Variants in GRID2 observed in about 807,000 individuals in gnomAD.
GRID2 encodes glutamate receptor ionotropic, delta-2.
A neutral mutation model predicts 114.8 loss-of-function variants in GRID2; 33 were observed. The ratio of observed to expected loss-of-function variants is 0.29; its 90% CI spans 0.22 to 0.38. The LOEUF (loss-of-function observed/expected upper bound fraction) is 0.38. Ranked by LOEUF, GRID2 falls within the 10% of genes least tolerant of loss-of-function variation. The pLI is 1.00. For synonymous variants in GRID2, 505 were observed against 449.9 expected (o/e 1.12, Z -1.55); for missense variants, 1,184 against 1,257.7 (o/e 0.94, Z 0.89).
At chr4:93,720,376 C>G (rs549353558) in intron 14 of GRID2, among the ~76,000 whole-genome samples, 4 of 152,252 alleles carry the variant, frequency 2.6e-5, no homozygotes, top group African/African-American at 7.2e-5. Context: ...AAATTTGAGG[C>G]CAAACATGCT....
intron 13 of GRID2, among the ~76,000 whole-genome samples, chr4:93,532,340 C>T (rs1731532099): frequency 1.3e-5 from 2 of 152,066 alleles, no homozygotes; most frequent in African/African-American, 4.8e-5. Flanking sequence ...TAGCTACTCA[C>T]AAATTATTGC....
At chr4:93,015,825 C>G (rs1722638471) in intron 2 of GRID2, among the ~76,000 whole-genome samples, 1 of 151,974 alleles carries the variant, frequency 6.6e-6, no homozygotes, top group Admixed American at 6.6e-5. Flanking sequence ...CAAAAAGTAG[C>G]TACTAGATCA....
chr4:93,236,153 A>C (rs1013953943), intron 7 of GRID2, among the ~76,000 whole-genome samples: 3 of 152,206 alleles, frequency 2.0e-5, no homozygotes, highest in African/African-American at 7.2e-5. Context: ...AGTATTTGTC[A>C]TTTGGAGATA....
In GRID2 at chr4:93,279,927, T is replaced by G. The variant is rs115829860; in HGVS notation, c.1245+41437T>G. 4.7e-3 allele frequency among the ~76,000 whole-genome samples: 716 copies of G among 151,906 alleles called. 10 individuals are homozygous for G. The highest frequency in any genetic ancestry group is 0.016 in the African/African-American group (675 of 41,448). On this transcript the variant is annotated intron_variant, in intron 8 of 15. Coordinates refer to ENST00000282020, the MANE Select transcript of GRID2 (RefSeq NM_001510.4). Reference sequence around the variant, plus strand: ...GGGCATTGTATGCGAAACTGCGGAGTTTGGATTTTACCCCATGTGACAGGT... The same window carrying G: ...GGGCATTGTATGCGAAACTGCGGAGGTTGGATTTTACCCCATGTGACAGGT...
At chr4:92,541,318 GAAA>G (rs1018281099) in intron 1 of GRID2, among the ~76,000 whole-genome samples, 2 of 143,544 alleles carry the variant, frequency 1.4e-5, no homozygotes, top group African/African-American at 5.1e-5. Context: ...TAAGAGTCAG[GAAA>G]AAAAAAAGAA....
chr4:92,858,166 A>C (rs1436756019), intron 2 of GRID2, among the ~76,000 whole-genome samples: 1 of 152,242 alleles, frequency 6.6e-6, no homozygotes, highest in Non-Finnish European at 1.5e-5. Context: ...TGTTGTCTTC[A>C]TACCTACTAA....
At chr4:93,349,307 C>T (rs976632734) in intron 8 of GRID2, among the ~76,000 whole-genome samples, 4 of 152,002 alleles carry the variant, frequency 2.6e-5, no homozygotes, top group South Asian at 2.1e-4. Context: ...ATAAAATGAG[C>T]TCTCTAAACC....
At chr4:93,619,223 T>G (rs1741988130) in intron 13 of GRID2, among the ~76,000 whole-genome samples, 1 of 152,224 alleles carries the variant, frequency 6.6e-6, no homozygotes, top group Non-Finnish European at 1.5e-5. Context: ...AAGTCAGTCT[T>G]AAGTACTTAA....
intron 2 of GRID2, among the ~76,000 whole-genome samples, chr4:92,651,064 G>C (rs866361394): frequency 6.6e-6 from 1 of 152,074 alleles, no homozygotes; most frequent in East Asian, 1.9e-4. Context: ...TCATTGATCA[G>C]AAACAATGCT....
At chr4:93,312,648 T>C (rs1756140918) in intron 8 of GRID2, among the ~76,000 whole-genome samples, 2 of 152,150 alleles carry the variant, frequency 1.3e-5, no homozygotes, top group South Asian at 2.1e-4. Flanking sequence ...ATGCTAAAAA[T>C]ATTTCTTTTC....
intron 2 of GRID2, among the ~76,000 whole-genome samples, chr4:92,695,691 TCTC>T (rs1308014313): frequency 1.3e-5 from 2 of 152,172 alleles, no homozygotes; most frequent in Non-Finnish European, 2.9e-5. Context: ...TGTTTTGTAA[TCTC>T]CTCTTTTCCT....
chr4:92,473,343 C>T (rs949803977), intron 1 of GRID2, among the ~76,000 whole-genome samples: 48 of 152,140 alleles, frequency 3.2e-4, no homozygotes, highest in Non-Finnish European at 6.8e-4. Context: ...GTTGGATTTT[C>T]TTCTTACACA....
rs868846640 is a variant in GRID2 at position 92,602,204 on chromosome 4, A to T, written c.244+11918A>T. Among the ~76,000 whole-genome samples, 207 of 141,990 alleles carry T rather than the reference A, an allele frequency of 1.5e-3. 1 individual carries two copies. The highest frequency in any genetic ancestry group is 6.2e-3 in the South Asian group (28 of 4,484). The allele number at this position is 141,990 out of a possible 152,430, so 93.2% of individuals were successfully genotyped here. The stretch of plus-strand genomic sequence containing the variant: ...TGATACCAAAACTTGCCAGAGATTT[A>T]AAAAAAAAAAAAAGAAAAGAAAAGA... On this transcript the variant is annotated intron_variant, in intron 2 of 15. Coordinates refer to ENST00000282020, the MANE Select transcript of GRID2 (RefSeq NM_001510.4).
intron 2 of GRID2, among the ~76,000 whole-genome samples, chr4:92,855,432 C>T (rs772887841): frequency 1.3e-5 from 2 of 151,956 alleles, no homozygotes; most frequent in Non-Finnish European, 2.9e-5. Flanking sequence ...ATATTGTCTA[C>T]TAATAGATTC....
chr4:93,743,655 AC>A (rs1482026622), intron 14 of GRID2, among the ~76,000 whole-genome samples: 4 of 152,234 alleles, frequency 2.6e-5, no homozygotes, highest in Non-Finnish European at 5.9e-5. Context: ...CTTTTTAATA[AC>A]CAGCTTTTGT....
intron 7 of GRID2, among the ~76,000 whole-genome samples, chr4:93,228,270 G>A (rs1745727665): frequency 6.6e-6 from 1 of 152,108 alleles, no homozygotes; most frequent in African/African-American, 2.4e-5. Flanking sequence ...GTTATCCTAG[G>A]TGAAAGGACA....
intron 2 of GRID2, among the ~76,000 whole-genome samples, chr4:93,078,038 A>G (rs1729489859): frequency 6.6e-6 from 1 of 152,102 alleles, no homozygotes; most frequent in Non-Finnish European, 1.5e-5. Context: ...ATCATAGGTC[A>G]TATTTCTTGC....
chr4:93,429,023 G>A (rs1022271725), intron 10 of GRID2, among the ~76,000 whole-genome samples: 3 of 152,186 alleles, frequency 2.0e-5, no homozygotes, highest in Admixed American at 1.3e-4. Flanking sequence ...TCTGCCAGAC[G>A]TATGCCCCTT....
At chr4:92,591,334 A>C (rs1465437672) in intron 2 of GRID2, among the ~76,000 whole-genome samples, 2 of 152,206 alleles carry the variant, frequency 1.3e-5, no homozygotes, top group African/African-American at 4.8e-5. Context: ...AACTGTAAGC[A>C]ATAAATTTAT....
Sources: gnomAD v4.1 joint callset for allele counts (sites outside exome capture counted in the v4.1 genomes callset) on GRCh38, gnomAD v4.1.1 for gene constraint, MANE v1.5 for transcripts, NCBI Gene and HGNC (gene_info 2026-07-23, HGNC 2026-07-21) for gene names.